The following APOBR variants were observed in gnomAD, a reference collection of about 807,000 sequenced individuals.
APOBR encodes apoB-48R.
APOBR carries 57 observed loss-of-function variants against 88.5 expected under a neutral mutation model. The observed-to-expected ratio is 0.64, with a 90% CI of 0.52 to 0.80. APOBR has a LOEUF of 0.80. Ranked by LOEUF, APOBR falls within the 30% of genes least tolerant of loss-of-function variation. The probability of loss-of-function intolerance (pLI) is 0.00; values close to 1 mark genes in which losing one functional copy is unlikely to be tolerated. For synonymous variants in APOBR, 588 were observed against 572.7 expected, an observed-to-expected ratio of 1.03 and a Z score of -0.38; for missense variants, 1,443 against 1,401.6, an observed-to-expected ratio of 1.03 and a Z score of -0.47.
At position 28,497,239 on chromosome 16, in the gene APOBR, A is replaced by G; in HGVS notation, c.2198A>G (p.Asp733Gly). ...ACTGAGGATGAGGAGGCGGAGGCTG[A>G]CAGAACATCCAGAAGAGGCTGGAGG... ...RETEDEEAEA[D>G]RTSRRGWRLQ... Residue 733 changes from aspartate (D) to glycine (G), a missense_variant, in exon 2 of 4, where the codon GAC becomes GGC. Transcript: ENST00000564831. 1 of 1,591,860 alleles carries G rather than the reference A, an allele frequency of 6.3e-7. No homozygotes were observed. Among genetic ancestry groups the G allele is most frequent in the Non-Finnish European group, 8.5e-7 (1 of 1,169,602 alleles).
At position 28,497,613 on chromosome 16, in the gene APOBR, G is replaced by T; in HGVS notation, c.2572G>T (p.Ala858Ser). The change falls in exon 2 of 4, where the codon GCG (alanine) becomes TCG (serine). Residue 858 changes from alanine (A) to serine (S), a missense_variant. Coordinates refer to ENST00000564831, the MANE Select transcript of APOBR (RefSeq NM_018690.4). ...GAEDSCGLDPAGSQTARAEGM... is the reference protein window; with the variant it reads ...GAEDSCGLDPSGSQTARAEGM... ...AGAGGACAGCTGTGGGCTGGATCCCGCGGGCTCCCAGACAGCGAGGGCAGA... is the reference window on the plus strand; with the variant it reads ...AGAGGACAGCTGTGGGCTGGATCCCTCGGGCTCCCAGACAGCGAGGGCAGA... 6.2e-7 allele frequency: 1 copy of T among 1,605,690 alleles called. No individual in the cohort carries two copies. Among genetic ancestry groups the T allele is most frequent in the Non-Finnish European group, 8.5e-7 (1 of 1,176,204 alleles).
At position 28,498,228 on chromosome 16, in the gene APOBR, C is replaced by T; in HGVS notation, c.3103C>T (p.Pro1035Ser). ...QQEEPPAPNP[P>S]EEELSAPEQR... Reference sequence around the variant, plus strand: ...GGAGGAGCCCCCAGCCCCCAACCCTCCTGAGGAGGAGCTGTCAGCTCCTGA... The same window carrying T: ...GGAGGAGCCCCCAGCCCCCAACCCTTCTGAGGAGGAGCTGTCAGCTCCTGA... Residue 1035 changes from proline (P) to serine (S), a missense_variant, in exon 3 of 4, where the codon CCT (proline) becomes TCT (serine). Pro to Ser is a moderately conservative substitution (Grantham distance 74, BLOSUM62 -1). Transcript: ENST00000564831. The T allele has an allele frequency of 6.2e-7, 1 of 1,608,206 alleles. No individual in the cohort carries two copies. The highest frequency in any genetic ancestry group is 8.5e-7 in the Non-Finnish European group (1 of 1,178,454).
At position 28,496,924 on chromosome 16, in the gene APOBR, C is replaced by T. The variant is rs13306186; in HGVS notation, c.1883C>T (p.Thr628Met). ...EAFPGAWENRTRKDMERGNTQ... is the reference protein window; with the variant it reads ...EAFPGAWENRMRKDMERGNTQ... Reference sequence around the variant, plus strand: ...TTCCCAGGAGCCTGGGAAAACCGCACGAGAAAGGACATGGAGAGAGGAAAT... The same window carrying T: ...TTCCCAGGAGCCTGGGAAAACCGCATGAGAAAGGACATGGAGAGAGGAAAT... Residue 628 changes from threonine (T) to methionine (M), a missense_variant, in exon 2 of 4, where the codon ACG (threonine) becomes ATG (methionine). Physicochemically the swap from Thr to Met is moderately conservative, Grantham distance 81. Transcript: ENST00000564831. 48 of 1,559,048 alleles carry T rather than the reference C, an allele frequency of 3.1e-5. No homozygotes were observed. The highest frequency in any genetic ancestry group is 8.2e-5 in the African/African-American group (6 of 73,108).
chr16:28,497,474 G>T lies in APOBR; in HGVS notation c.2433G>T (p.Leu811=), dbSNP rs773148043. Reference sequence around the variant, plus strand: ...ATGCAGGTGGGCAAGAATTTGGTCTGGAGGGCTCAGCAGAGGAAGAGGTGA... The same window carrying T: ...ATGCAGGTGGGCAAGAATTTGGTCTTGAGGGCTCAGCAGAGGAAGAGGTGA... The part of the protein sequence containing the change: ...GEHAGGQEFG[L]EGSAEEEVTG... Residue 811 remains leucine (L), a synonymous_variant, in exon 2 of 4, where the codon CTG becomes CTT. Coordinates refer to ENST00000564831, the MANE Select transcript of APOBR (RefSeq NM_018690.4). 1 of 1,613,920 alleles carries T rather than the reference G, an allele frequency of 6.2e-7. No individual in the cohort carries two copies. Among genetic ancestry groups the T allele is most frequent in the East Asian group, 2.2e-5 (1 of 44,878 alleles).
chr16:28,497,088 A>G lies in APOBR; in HGVS notation c.2047A>G (p.Thr683Ala). The change falls in exon 2 of 4, where the codon ACC becomes GCC. Residue 683 changes from threonine (T) to alanine (A), a missense_variant. Thr to Ala is a moderately conservative substitution (Grantham distance 58). Coordinates refer to ENST00000564831, the MANE Select transcript of APOBR (RefSeq NM_018690.4). ...AGAGGCAGGCGGGGAGGGGCTGACA[A>G]CCCAGGACGCGGGATGTGGAACTGA... ...VPEAGGEGLT[T>A]QDAGCGTEEG... The G allele has an allele frequency of 6.3e-7, 1 of 1,597,760 alleles. No homozygotes were observed. Among genetic ancestry groups the G allele is most frequent in the Non-Finnish European group, 8.5e-7 (1 of 1,172,672 alleles).
chr16:28,496,203 C>G lies in APOBR; in HGVS notation c.1162C>G (p.Gln388Glu). Residue 388 changes from glutamine to glutamate, a missense_variant, in exon 2 of 4, where the codon CAG becomes GAG. Gln to Glu is a conservative substitution (Grantham distance 29). Transcript: ENST00000564831. ...GGAGGCTGACCTGCTGGGAGTCAGACAGACAGAATATGGAGCAGTCCCAGG... is the reference window on the plus strand; with the variant it reads ...GGAGGCTGACCTGCTGGGAGTCAGAGAGACAGAATATGGAGCAGTCCCAGG... Reference protein sequence around the residue: ...KEEADLLGVRQTEYGAVPGER... With the variant: ...KEEADLLGVRETEYGAVPGER... 6.3e-7 allele frequency: 1 copy of G among 1,580,090 alleles called. No individual in the cohort carries two copies. The highest frequency in any genetic ancestry group is 8.6e-7 in the Non-Finnish European group (1 of 1,165,050).
Position 28,498,326 on chromosome 16 carries a change from CAGG to C in APOBR, c.3204_3206del (p.Arg1070del). The C allele has an allele frequency of 1.9e-6, 3 of 1,598,122 alleles. No individual in the cohort carries two copies. The South Asian group carries it at 3.4e-5, about 18-fold the overall frequency. On this transcript the variant is annotated inframe_deletion, in exon 3 of 4. Coordinates refer to ENST00000564831, the MANE Select transcript of APOBR (RefSeq NM_018690.4). ...GGCATGATGGGACCCCGGTGCCAGC[CAGG>C]AGAAGGCCCCTGGGACACGGGTAGG...
chr16:28,498,414 C>A, intron 3 of APOBR, 22 bp from the exon 4 acceptor site: 1 of 1,599,090 alleles, frequency 6.3e-7, no homozygotes, highest in Non-Finnish European at 8.5e-7. Context: ...CCTGTTCTCA[C>A]GGGCCTGACT....
chr16:28,495,120 TCCTA>T lies in APOBR; in HGVS notation c.83_86del (p.Tyr28SerfsTer9). 1 of 1,533,564 alleles carries T rather than the reference TCCTA, an allele frequency of 6.5e-7. No homozygotes were observed. The highest frequency in any genetic ancestry group is 8.7e-7 in the Non-Finnish European group (1 of 1,143,006). The allele number at this position is 1,533,564 out of a possible 1,614,324, so 95.0% of individuals were successfully genotyped here. A position where few individuals can be genotyped will look rare whatever the true frequency, so the allele number is the denominator to read the frequency against. On this transcript the variant is annotated frameshift_variant, in exon 2 of 4. Coordinates refer to ENST00000564831, the MANE Select transcript of APOBR (RefSeq NM_018690.4). LOFTEE classifies it high-confidence loss of function. Reference sequence around the variant, plus strand: ...CTAGGATTCCCTCGGCACCTTTGTCTCCTACCTCCTGGGAGATGCAGTCCCCACT... The same window carrying T: ...CTAGGATTCCCTCGGCACCTTTGTCTCCTCCTGGGAGATGCAGTCCCCACT...
At position 28,498,252 on chromosome 16, in the gene APOBR, G is replaced by A. The variant is rs1197702257; in HGVS notation, c.3127G>A (p.Glu1043Lys). 1 of 1,607,340 alleles carries A rather than the reference G, an allele frequency of 6.2e-7. No homozygotes were observed. The highest frequency in any genetic ancestry group is 1.7e-5 in the Admixed American group (1 of 59,000). Residue 1043 changes from glutamate (E) to lysine (K), a missense_variant, in exon 3 of 4, where the codon GAG becomes AAG. Glu to Lys is a moderately conservative substitution (Grantham distance 56). Coordinates refer to ENST00000564831, the MANE Select transcript of APOBR (RefSeq NM_018690.4). ...NPPEEELSAP[E>K]QRPLQLEEPL... is the part of the protein sequence containing the mutation. ...TCCTGAGGAGGAGCTGTCAGCTCCT[G>A]AGCAGAGACCCCTCCAGCTGGAGGA...
Position 28,496,956 on chromosome 16 carries a change from G to A in APOBR, c.1915G>A (p.Glu639Lys), listed in dbSNP as rs761164059. ...GGACATGGAGAGAGGAAATACTCAG[G>A]AGGATGCGGCCGATGGCGAGCAGCG... ...RKDMERGNTQEDAADGEQREE... is the reference protein window; with the variant it reads ...RKDMERGNTQKDAADGEQREE... Residue 639 changes from glutamate to lysine, a missense_variant, in exon 2 of 4, where the codon GAG (glutamate) becomes AAG (lysine). Physicochemically the swap from Glu to Lys is moderately conservative, Grantham distance 56. Coordinates refer to ENST00000564831, the MANE Select transcript of APOBR (RefSeq NM_018690.4). The A allele has an allele frequency of 3.8e-6, 6 of 1,558,760 alleles. No individual in the cohort carries two copies. Among genetic ancestry groups the A allele is most frequent in the Non-Finnish European group, 2.6e-6 (3 of 1,152,014 alleles).
chr16:28,495,691 C>T lies in APOBR; in HGVS notation c.650C>T (p.Ala217Val), dbSNP rs566833237. 9.1e-6 allele frequency: 14 copies of T among 1,532,364 alleles called. No homozygotes were observed. The highest frequency in any genetic ancestry group is 8.3e-5 in the African/African-American group (6 of 72,718). The allele number at this position is 1,532,364 out of a possible 1,614,324, so 94.9% of individuals were successfully genotyped here. ...EGKAGAVGPK[A>V]AGDNREMEQG... ...AAGGCTGGTGCTGTTGGGCCAAAGG[C>T]GGCAGGGGACAACCGGGAGATGGAG... is the stretch of plus-strand genomic sequence containing the variant. The change falls in exon 2 of 4, where the codon GCG (alanine) becomes GTG (valine). Residue 217 changes from alanine to valine, a missense_variant. Coordinates refer to ENST00000564831, the MANE Select transcript of APOBR (RefSeq NM_018690.4).
At position 28,498,465 on chromosome 16, in the gene APOBR, A is replaced by G. The variant is rs747191012; in HGVS notation, c.3254A>G (p.Gln1085Arg). The change falls in exon 4 of 4, where the codon CAG becomes CGG. Residue 1085 changes from glutamine to arginine, a missense_variant. Transcript: ENST00000564831. ...GGCCTCGCGCACCCTGGCATGATGC[A>G]GGAGCTGCAAGCCCGTCTGGGCCGG... is the stretch of plus-strand genomic sequence containing the variant. Reference protein sequence around the residue: ...GFGLAHPGMMQELQARLGRPK... With the variant: ...GFGLAHPGMMRELQARLGRPK... 1.2e-6 allele frequency: 2 copies of G among 1,603,456 alleles called. No homozygotes were observed. Among genetic ancestry groups the G allele is most frequent in the Non-Finnish European group, 8.5e-7 (1 of 1,175,500 alleles).
In APOBR at chr16:28,496,908, G is replaced by A; in HGVS notation, c.1867G>A (p.Ala623Thr). The A allele has an allele frequency of 6.4e-7, 1 of 1,560,208 alleles. No individual in the cohort carries two copies. Among genetic ancestry groups the A allele is most frequent in the Non-Finnish European group, 8.7e-7 (1 of 1,152,782 alleles). ...KPEASEAFPG[A>T]WENRTRKDME... The stretch of plus-strand genomic sequence containing the variant: ...TGAGGCCTCCGAGGCCTTCCCAGGA[G>A]CCTGGGAAAACCGCACGAGAAAGGA... The change falls in exon 2 of 4, where the codon GCC becomes ACC. Residue 623 changes from alanine (A) to threonine (T), a missense_variant. Physicochemically the swap from Ala to Thr is moderately conservative, Grantham distance 58. Transcript: ENST00000564831.
In APOBR at chr16:28,497,119, G is replaced by T. The variant is rs748576057; in HGVS notation, c.2078G>T (p.Gly693Val). 1.1e-5 allele frequency: 17 copies of T among 1,605,298 alleles called. No individual in the cohort carries two copies. The highest frequency in any genetic ancestry group is 1.4e-5 in the Non-Finnish European group (17 of 1,176,240). Residue 693 changes from glycine to valine, a missense_variant, in exon 2 of 4, where the codon GGA becomes GTA. Coordinates refer to ENST00000564831, the MANE Select transcript of APOBR (RefSeq NM_018690.4). ...GACGCGGGATGTGGAACTGAGGAGG[G>T]AGAGGCATCTGTCTCAGAGAACCAG... ...TQDAGCGTEE[G>V]EASVSENQEL...
At position 28,497,578 on chromosome 16, in the gene APOBR, C is replaced by T. The variant is rs1486952936; in HGVS notation, c.2537C>T (p.Ser846Phe). The T allele has an allele frequency of 1.2e-6, 2 of 1,604,304 alleles. No homozygotes were observed. The highest frequency in any genetic ancestry group is 4.5e-5 in the East Asian group (2 of 44,780). Residue 846 changes from serine to phenylalanine, a missense_variant, in exon 2 of 4, where the codon TCT becomes TTT. Transcript: ENST00000564831. ...PWGGRVEAEE[S>F]AGAEDSCGLD... The stretch of plus-strand genomic sequence containing the variant: ...GGAGGGCGGGTAGAGGCCGAGGAAT[C>T]TGCAGGCGCAGAGGACAGCTGTGGG...
rs1320047425 is a variant in APOBR, at chr16:28,495,622, G to A, written c.581G>A (p.Arg194Lys). 1.3e-6 allele frequency: 2 copies of A among 1,558,254 alleles called. No individual in the cohort carries two copies. The highest frequency in any genetic ancestry group is 3.9e-5 in the Admixed American group (2 of 51,238). Reference protein sequence around the residue: ...EVRAREPGMARGAESEWTWHG... With the variant: ...EVRAREPGMAKGAESEWTWHG... ...AGGGCAAGAGAGCCAGGGATGGCCA[G>A]AGGGGCGGAGTCAGAGTGGACCTGG... Residue 194 changes from arginine to lysine, a missense_variant, in exon 2 of 4, where the codon AGA becomes AAA. Transcript: ENST00000564831.
At position 28,498,078 on chromosome 16, in the gene APOBR, C is replaced by G; in HGVS notation, c.2956-3C>G. The G allele has an allele frequency of 6.5e-7, 1 of 1,543,860 alleles. No individual in the cohort carries two copies. The highest frequency in any genetic ancestry group is 8.7e-7 in the Non-Finnish European group (1 of 1,151,134). On this transcript the variant is annotated splice_polypyrimidine_tract_variant and splice_region_variant and intron_variant, in intron 2 of 3. Transcript: ENST00000564831. ...ATGGTCCTCTGTGCCCCCTTTCCTG[C>G]AGGCCCCGCTCCCCGGGTCCCTCCT...
At chr16:28,498,036 A>G in intron 2 of APOBR, 40 bp downstream of exon 2, 1 of 1,547,966 alleles carries the variant, frequency 6.5e-7, no homozygotes, top group Non-Finnish European at 8.7e-7. Context: ...AACGAGTGGA[A>G]TCCCGAAGCC....
Sources: allele counts gnomAD v4.1 joint callset, GRCh38; gene constraint gnomAD v4.1.1; transcripts MANE v1.5; gene names NCBI Gene and HGNC (gene_info 2026-07-23, HGNC 2026-07-21).